The following STIM2 variants were observed in gnomAD, a reference collection of about 807,000 sequenced individuals.
The protein encoded by STIM2 is stromal interaction molecule 2.
STIM2 carries 31 observed loss-of-function variants against 85.8 expected under a neutral mutation model. The observed-to-expected ratio is 0.36, with a 90% CI of 0.27 to 0.49. STIM2 has a LOEUF of 0.49. Among genes scored for constraint, STIM2 ranks in the 20% least tolerant of loss-of-function variants. The pLI is 0.98. For synonymous variants in STIM2, 356 were observed against 331.1 expected (o/e 1.08, Z -0.82); for missense variants, 841 against 927.6 (o/e 0.91, Z 1.21).
intron 1 of STIM2, among the ~76,000 whole-genome samples, chr4:26,862,406 T>A (rs146833697): frequency 6.6e-6 from 1 of 152,044 alleles, no homozygotes. Flanking sequence ...AAGTTTAAAG[T>A]GGCAGAAGAT....
chr4:26,909,083 G>A (rs1387224816), intron 1 of STIM2, among the ~76,000 whole-genome samples: 1 of 152,078 alleles, frequency 6.6e-6, no homozygotes, highest in Non-Finnish European at 1.5e-5. Context: ...TGTCTCTTAG[G>A]AAAATAAAAG....
chr4:26,914,225 G>A (rs1560205203), intron 1 of STIM2, among the ~76,000 whole-genome samples: 1 of 152,134 alleles, frequency 6.6e-6, no homozygotes, highest in Non-Finnish European at 1.5e-5. Flanking sequence ...TGGGAATAAT[G>A]CCTACTTTGT....
chr4:26,980,947 A>T (rs933393228), intron 3 of STIM2, among the ~76,000 whole-genome samples: 14 of 152,180 alleles, frequency 9.2e-5, no homozygotes, highest in African/African-American at 3.1e-4. Context: ...GCCCTTCCTT[A>T]CTTTCTGGCA....
At chr4:26,863,063 A>G (rs1722277216) in intron 1 of STIM2, among the ~76,000 whole-genome samples, 1 of 152,316 alleles carries the variant, frequency 6.6e-6, no homozygotes, top group East Asian at 1.9e-4. Flanking sequence ...ATTGACTGCT[A>G]ATAAGTATAT....
chr4:26,964,156 A>G (rs1726617596), intron 3 of STIM2, among the ~76,000 whole-genome samples: 1 of 152,156 alleles, frequency 6.6e-6, no homozygotes, highest in South Asian at 2.1e-4. Context: ...GACTGTAGTG[A>G]GTCTCTGTGT....
At chr4:27,013,120 A>G (rs552907781) in intron 10 of STIM2, among the ~76,000 whole-genome samples, 15 of 152,014 alleles carry the variant, frequency 9.9e-5, no homozygotes, top group Middle Eastern at 3.4e-3. Context: ...TCAAGATTAT[A>G]TTAACATCAT....
At chr4:26,980,766 T>C (rs1727356459) in intron 3 of STIM2, among the ~76,000 whole-genome samples, 1 of 152,180 alleles carries the variant, frequency 6.6e-6, no homozygotes, top group Non-Finnish European at 1.5e-5. Flanking sequence ...AAGAAAGGAA[T>C]CAGTTTTCCT....
intron 2 of STIM2, among the ~76,000 whole-genome samples, chr4:26,947,406 T>C (rs1379364190): frequency 1.3e-5 from 2 of 152,168 alleles, no homozygotes; most frequent in Non-Finnish European, 2.9e-5. Context: ...GGTACAAATA[T>C]ATATATAAAA....
chr4:27,002,357 C>T lies in STIM2; in HGVS notation c.766C>T (p.Gln256Ter). Residue 256 changes from glutamine (Q) to a stop codon, truncating the protein, a stop_gained, in exon 6 of 12, where the codon CAA becomes TAA. Coordinates refer to ENST00000467087, the MANE Select transcript of STIM2 (RefSeq NM_020860.4). LOFTEE classifies it high-confidence loss of function. The stretch of plus-strand genomic sequence containing the variant: ...AATGATGAAAGATTTAGAGAGCTTA[C>T]AAACTGCAGAGCAAAGTCTAATGGA... 1 of 1,612,530 alleles carries T rather than the reference C, an allele frequency of 6.2e-7. No individual in the cohort carries two copies. The highest frequency in any genetic ancestry group is 1.1e-5 in the South Asian group (1 of 90,804).
Position 26,957,622 on chromosome 4 carries a change from A to C in STIM2, c.293A>C (p.Glu98Ala). Residue 98 changes from glutamate to alanine, a missense_variant, in exon 3 of 12, where the codon GAA (glutamate) becomes GCA (alanine). By Grantham distance (107) the Glu-to-Ala change is moderately radical (BLOSUM62 -1). This residue lies in a region of STIM2 where 408 missense variants were observed against 525.4 expected (regional missense o/e 0.78). Coordinates refer to ENST00000467087, the MANE Select transcript of STIM2 (RefSeq NM_020860.4). ...TTTTCTCTTCTATAGTTCATCAGAG[A>C]AGATATGAAATATAAAGATGCTACT... 2 of 1,520,954 alleles carry C rather than the reference A, an allele frequency of 1.3e-6. No individual in the cohort carries two copies. The highest frequency in any genetic ancestry group is 1.8e-6 in the Non-Finnish European group (2 of 1,127,396). The allele number at this position is 1,520,954 out of a possible 1,614,324, so 94.2% of individuals were successfully genotyped here.
chr4:26,860,924 C>CTTT lies in STIM2; in HGVS notation c.-279_-277dup, dbSNP rs529396311. On this transcript the variant is annotated 5_prime_UTR_variant, in exon 1 of 12. Coordinates refer to ENST00000467087, the MANE Select transcript of STIM2 (RefSeq NM_020860.4). ...GACGCCGTACCTTTCTACCCCCCAC[C>CTTT]TTTTTTTTTTTTTTTTTTAAATAAC... 2.8e-5 allele frequency: 28 copies of CTTT among 1,010,408 alleles called. No individual in the cohort carries two copies. The highest frequency in any genetic ancestry group is 1.1e-4 in the South Asian group (5 of 46,364). 62.6% of individuals were successfully genotyped at this position (1,010,408 alleles called of 1,614,324 possible).
intron 1 of STIM2, among the ~76,000 whole-genome samples, chr4:26,911,756 G>A (rs144382677): frequency 2.5e-3 from 382 of 152,204 alleles, no homozygotes; most frequent in African/African-American, 9.0e-3. Flanking sequence ...TTTTTTGAAT[G>A]CCTATCATCA....
intron 3 of STIM2, among the ~76,000 whole-genome samples, chr4:26,993,331 T>G (rs1727831285): frequency 6.6e-6 from 1 of 152,198 alleles, no homozygotes. Flanking sequence ...CCAGGTTTTA[T>G]GGTAGGAACA....
At chr4:26,910,274 C>T (rs949750903) in intron 1 of STIM2, among the ~76,000 whole-genome samples, 4 of 152,018 alleles carry the variant, frequency 2.6e-5, no homozygotes, top group Admixed American at 6.6e-5. Context: ...ATAATTCCAG[C>T]GCTTTGGGAG....
chr4:26,923,246 C>G (rs1046074163), intron 2 of STIM2, among the ~76,000 whole-genome samples: 1 of 150,902 alleles, frequency 6.6e-6, no homozygotes, highest in Admixed American at 6.6e-5. Context: ...CATCAAAGAC[C>G]AAAAGTAGAT....
chr4:27,020,994 T>C (rs1728888783), intron 11 of STIM2: 1 of 1,536,234 alleles, frequency 6.5e-7, no homozygotes. Flanking sequence ...TTTCATGGAG[T>C]GAACAGTATT....
In STIM2 at chr4:26,999,307, G is replaced by C; in HGVS notation, c.585G>C (p.Gln195His). ...ACCGGAGTCACAGACAAAAACTTCA[G>C]CTCAAGGCATTGGATGTGGTTTTGT... Residue 195 changes from glutamine (Q) to histidine (H), a missense_variant, in exon 5 of 12, where the codon CAG (glutamine) becomes CAC (histidine). Transcript: ENST00000467087. The C allele has an allele frequency of 6.2e-7, 1 of 1,609,648 alleles. No homozygotes were observed. The highest frequency in any genetic ancestry group is 8.5e-7 in the Non-Finnish European group (1 of 1,177,946).
chr4:27,022,261 A>G (rs1355380145), intron 11 of STIM2, among the ~76,000 whole-genome samples: 1 of 152,230 alleles, frequency 6.6e-6, no homozygotes, highest in East Asian at 1.9e-4. Flanking sequence ...TTTGACAAAA[A>G]GGAGGTGTAC....
intron 11 of STIM2, chr4:27,019,251 G>A: frequency 2.8e-6 from 1 of 363,398 alleles, no homozygotes; most frequent in Non-Finnish European, 5.3e-6. Flanking sequence ...TTATCTAGTA[G>A]TAAAAGAAAA....
Sources: gnomAD v4.1 joint callset for allele counts (sites outside exome capture counted in the v4.1 genomes callset) on GRCh38, gnomAD v4.1.1 for gene constraint, gnomAD v4.1.1 regional missense constraint, MANE v1.5 for transcripts, NCBI Gene and HGNC (gene_info 2026-07-23, HGNC 2026-07-21) for gene names.